The following IGFL2 variants were observed in gnomAD, a reference collection of about 807,000 sequenced individuals.
IGFL2 encodes IGF like family member 2, also known as insulin growth factor-like family member 2.
A neutral mutation model predicts 13.9 loss-of-function variants in IGFL2; 7 were observed. The ratio of observed to expected loss-of-function variants is 0.51; its 90% confidence interval spans 0.29 to 0.95. The LOEUF (loss-of-function observed/expected upper bound fraction) is 0.95, where lower values mean the gene tolerates loss of function less well. IGFL2 is among the 40% of genes least tolerant of loss of function. The pLI is 0.08. For synonymous variants in IGFL2, 55 were observed against 55.8 expected, an observed-to-expected ratio of 0.99 and a Z score of 0.07; for missense variants, 138 against 147.8, an observed-to-expected ratio of 0.93 and a Z score of 0.34.
the IGFL2 span, among the ~76,000 whole-genome samples, chr19:46,210,854 C>T: frequency 6.6e-6 from 1 of 152,214 alleles, no homozygotes; most frequent in Admixed American, 6.5e-5. Context: ...TACTAACCAT[C>T]ACAGAGGGTG....
At chr19:46,147,659 G>A (rs1973210700), upstream of IGFL2, 1 of 152,246 alleles carries the variant, frequency 6.6e-6, no homozygotes, top group Non-Finnish European at 1.5e-5. Flanking sequence ...AGAGACTTGT[G>A]CACTAGGGGA....
chr19:46,089,528 A>G, the IGFL2 span, among the ~76,000 whole-genome samples: 1 of 151,758 alleles, frequency 6.6e-6, no homozygotes, highest in Non-Finnish European at 1.5e-5. Flanking sequence ...AACTCCCTTT[A>G]GCATTTTTTG....
chr19:46,166,879 G>C, the IGFL2 span, among the ~76,000 whole-genome samples: 2 of 152,156 alleles, frequency 1.3e-5, no homozygotes, highest in Non-Finnish European at 2.9e-5. Flanking sequence ...CTGTTATCCT[G>C]TTCTTTTTTC....
the IGFL2 span, among the ~76,000 whole-genome samples, chr19:46,094,507 T>A: frequency 6.6e-6 from 1 of 152,118 alleles, no homozygotes; most frequent in African/African-American, 2.4e-5. Flanking sequence ...CTTTTTCTTT[T>A]TTTTTTGTGT....
At chr19:46,117,396 T>A in the IGFL2 span, among the ~76,000 whole-genome samples, 1 of 152,182 alleles carries the variant, frequency 6.6e-6, no homozygotes, top group Non-Finnish European at 1.5e-5. Flanking sequence ...AGAAGAATTC[T>A]CTTAAAAGTC....
the IGFL2 span, chr19:46,137,443 A>G: frequency 9.6e-7 from 1 of 1,036,592 alleles, no homozygotes. Context: ...AATGGTGCTC[A>G]TACAGCCAAT....
the IGFL2 span, chr19:46,208,931 G>A: frequency 7.2e-5 from 11 of 152,108 alleles, no homozygotes; most frequent in African/African-American, 2.7e-4. Context: ...GTATTCTACA[G>A]TGATTCTGGG....
At chr19:46,088,519 A>G in the IGFL2 span, among the ~76,000 whole-genome samples, 1 of 152,230 alleles carries the variant, frequency 6.6e-6, no homozygotes, top group African/African-American at 2.4e-5. Context: ...TGGTGCCATC[A>G]TTCATCTACT....
At chr19:46,112,638 G>T in the IGFL2 span, among the ~76,000 whole-genome samples, 38 of 152,344 alleles carry the variant, frequency 2.5e-4, no homozygotes, top group African/African-American at 8.7e-4. Flanking sequence ...CCTAAAACTT[G>T]TTTGACCTTA....
chr19:46,125,053 C>G, the IGFL2 span, among the ~76,000 whole-genome samples: 2 of 141,144 alleles, frequency 1.4e-5, no homozygotes, highest in East Asian at 2.2e-4. Flanking sequence ...GCCACTTCCC[C>G]ATCTGGTTTC....
At chr19:46,181,652 G>C in the IGFL2 span, among the ~76,000 whole-genome samples, 1 of 152,188 alleles carries the variant, frequency 6.6e-6, no homozygotes, top group Admixed American at 6.5e-5. Context: ...AGACGTCCCT[G>C]TGATGTCATC....
At chr19:46,171,407 AGTG>A in the IGFL2 span, among the ~76,000 whole-genome samples, 1,893 of 152,294 alleles carry the variant, frequency 0.012, 14 homozygotes, top group Middle Eastern at 0.041. Flanking sequence ...ATTGGGCAAG[AGTG>A]GTGACTTGCT....
chr19:46,172,726 TA>T, the IGFL2 span, among the ~76,000 whole-genome samples: 3 of 152,176 alleles, frequency 2.0e-5, no homozygotes, highest in Admixed American at 6.6e-5. Context: ...TATATATATA[TA>T]TTTTTTTTCA....
the IGFL2 span, chr19:46,207,069 G>C: frequency 2.0e-5 from 3 of 152,170 alleles, no homozygotes; most frequent in African/African-American, 7.2e-5. Context: ...TGTAGCTTGA[G>C]TACACTGAGA....
At chr19:46,147,824 T>C (rs1568422975), upstream of IGFL2, 2 of 157,376 alleles carry the variant, frequency 1.3e-5, no homozygotes, top group Non-Finnish European at 1.4e-5. Flanking sequence ...AGTGCAGGTC[T>C]GGAGCCGGAC....
At chr19:46,102,143 G>A in the IGFL2 span, among the ~76,000 whole-genome samples, 2,334 of 152,292 alleles carry the variant, frequency 0.015, 52 homozygotes, top group African/African-American at 0.052. Context: ...CCCCTCCAGT[G>A]TGTGATTGTA....
chr19:46,096,901 T>C, the IGFL2 span, among the ~76,000 whole-genome samples: 15 of 152,358 alleles, frequency 9.8e-5, no homozygotes, highest in East Asian at 1.9e-3. Context: ...CTTTCTGATA[T>C]GCTGCTGGAT....
the IGFL2 span, among the ~76,000 whole-genome samples, chr19:46,103,938 A>G: frequency 6.6e-6 from 1 of 152,166 alleles, no homozygotes; most frequent in African/African-American, 2.4e-5. Flanking sequence ...GGTGAACCCA[A>G]TGGGGAGGGT....
At chr19:46,120,572 A>G in the IGFL2 span, among the ~76,000 whole-genome samples, 1 of 150,914 alleles carries the variant, frequency 6.6e-6, no homozygotes, top group Admixed American at 6.6e-5. Flanking sequence ...ACAGATCCCA[A>G]TAACAAAGAA....
Sources: allele counts gnomAD v4.1 joint callset (sites outside exome capture counted in the v4.1 genomes callset), GRCh38; gene constraint gnomAD v4.1.1; transcripts MANE v1.5; gene names NCBI Gene and HGNC (gene_info 2026-07-23, HGNC 2026-07-21).